The following C17orf78 variants were observed in gnomAD, a reference collection of about 807,000 sequenced individuals.
C17orf78 encodes uncharacterized protein C17orf78.
Under a neutral mutation model 31.8 loss-of-function variants are expected in C17orf78, and 27 were observed. That is an observed-to-expected ratio of 0.85 (90% CI 0.63 to 1.17). The LOEUF is 1.17. Among genes scored for constraint, C17orf78 ranks in the 50% most tolerant of loss-of-function variants. C17orf78 has a pLI of 0.00. For synonymous variants in C17orf78, 106 were observed against 115.1 expected, an observed-to-expected ratio of 0.92 and a Z score of 0.51; for missense variants, 258 against 315.2, an observed-to-expected ratio of 0.82 and a Z score of 1.37.
chr17:37,390,334 A>ATATATATATATATATATATATATCT (rs2050822111), intron 6 of C17orf78, among the ~76,000 whole-genome samples: 1 of 93,442 alleles, frequency 1.1e-5, no homozygotes, highest in African/African-American at 4.5e-5. Context: ...ATATATATAT[A>ATATATATATATATATATATATATCT]AAAGGCCAGC....
At chr17:37,388,030 T>C (rs1484777796) in intron 4 of C17orf78, 2 of 152,116 alleles carry the variant, frequency 1.3e-5, no homozygotes, top group African/African-American at 4.8e-5. Flanking sequence ...CCGGGCATGG[T>C]GGCGTTCGCC....
chr17:37,391,558 T>G, intron 6 of C17orf78, 89 bp from the exon 7 acceptor site: 5 of 1,167,990 alleles, frequency 4.3e-6, no homozygotes. Flanking sequence ...TTACATGGGG[T>G]TTTGTACTTA....
At chr17:37,377,839 C>T in intron 1 of C17orf78, 40 bp from the exon 2 acceptor site, 10 of 1,527,738 alleles carry the variant, frequency 6.5e-6, no homozygotes, top group Non-Finnish European at 8.2e-6. Flanking sequence ...TTTCCCCAAA[C>T]CTTCCCCGGT....
chr17:37,390,330 A>ATATATAATATATATATATATC lies in C17orf78; in HGVS notation c.750+972_750+973insTAATATATATATATATCTATA, dbSNP rs1386032855. On this transcript the variant is annotated intron_variant, in intron 6 of 6. Coordinates refer to ENST00000615133, the MANE Select transcript of C17orf78 (RefSeq NM_173625.5). Reference sequence around the variant, plus strand: ...TATATATATATATATATATATATATATATAAAAGGCCAGCTGGGCCGGGCA... The same window carrying ATATATAATATATATATATATC: ...TATATATATATATATATATATATATATATATAATATATATATATATCTATAAAAGGCCAGCTGGGCCGGGCA... Among the ~76,000 whole-genome samples, 190 of 41,582 alleles carry ATATATAATATATATATATATC rather than the reference A, an allele frequency of 4.6e-3. 32 individuals are homozygous for ATATATAATATATATATATATC. Among genetic ancestry groups the ATATATAATATATATATATATC allele is most frequent in the African/African-American group, 0.024 (185 of 7,842 alleles). 27.3% of individuals were successfully genotyped at this position (41,582 alleles called of 152,430 possible). A position where few individuals can be genotyped will look rare whatever the true frequency, so the allele number is the denominator to read the frequency against.
chr17:37,391,400 C>G (rs1292503418), intron 6 of C17orf78, among the ~76,000 whole-genome samples: 2 of 152,144 alleles, frequency 1.3e-5, no homozygotes, highest in Non-Finnish European at 2.9e-5. Flanking sequence ...CTGTTAGAAA[C>G]AGAACTATGA....
intron 3 of C17orf78, among the ~76,000 whole-genome samples, chr17:37,380,460 C>T (rs2050198005): frequency 1.3e-5 from 2 of 152,078 alleles, no homozygotes; most frequent in Non-Finnish European, 2.9e-5. Flanking sequence ...GAATTATCCT[C>T]CCCTTGGGCA....
rs1312079133 is a variant in C17orf78 at position 37,390,307 on chromosome 17, T to TATATA, written c.750+946_750+950dup. 4.7e-5 allele frequency among the ~76,000 whole-genome samples: 2 copies of TATATA among 42,972 alleles called. 1 individual carries two copies. The highest frequency in any genetic ancestry group is 6.8e-5 in the Non-Finnish European group (2 of 29,336). The allele number at this position is 42,972 out of a possible 152,430, so 28.2% of individuals were successfully genotyped here. ...TATAATTATATATTATACATAATTA[T>TATATA]ATATATATATATATATATATATATA... On this transcript the variant is annotated intron_variant, in intron 6 of 6. Coordinates refer to ENST00000615133, the MANE Select transcript of C17orf78 (RefSeq NM_173625.5).
chr17:37,380,640 C>G (rs1394300075), intron 3 of C17orf78, among the ~76,000 whole-genome samples: 1 of 151,992 alleles, frequency 6.6e-6, no homozygotes, highest in Admixed American at 6.6e-5. Context: ...TTCTGTCACC[C>G]AGGTTGGAGT....
At chr17:37,379,489 C>G (rs1307254886) in intron 3 of C17orf78, 107 bp downstream of exon 3, 1 of 1,356,356 alleles carries the variant, frequency 7.4e-7, no homozygotes, top group Non-Finnish European at 9.9e-7. Context: ...GAATTATCCA[C>G]TTTTTGATGG....
intron 5 of C17orf78, 38 bp from the exon 6 acceptor site, chr17:37,389,208 G>C (rs1359307460): frequency 6.5e-7 from 1 of 1,548,432 alleles, no homozygotes; most frequent in South Asian, 1.2e-5. Context: ...ATGCTTACCA[G>C]CCACTTCATA....
chr17:37,381,228 C>A (rs1190256862), intron 3 of C17orf78, among the ~76,000 whole-genome samples: 1 of 152,022 alleles, frequency 6.6e-6, no homozygotes, highest in Non-Finnish European at 1.5e-5. Context: ...CTCTGTCACC[C>A]AGGCTGGAGC....
intron 6 of C17orf78, among the ~76,000 whole-genome samples, chr17:37,390,516 A>G (rs751427625): frequency 4.1e-5 from 6 of 147,708 alleles, no homozygotes; most frequent in Non-Finnish European, 8.9e-5. Context: ...AGTCCCAGCT[A>G]CTCGGGAGGC....
intron 3 of C17orf78, among the ~76,000 whole-genome samples, chr17:37,382,799 G>T (rs1264603009): frequency 1.3e-5 from 2 of 152,306 alleles, no homozygotes; most frequent in East Asian, 3.9e-4. Context: ...TGCAGAGGTT[G>T]TAGGGAGCTG....
Position 37,390,140 on chromosome 17 carries a change from G to GTATATA in C17orf78, c.750+809_750+814dup, listed in dbSNP as rs1243535532. ...GACACTGTCTCTATTAAAAAAAAAA[G>GTATATA]TATATATATATATATATATATATAT... On this transcript the variant is annotated intron_variant, in intron 6 of 6. Coordinates refer to ENST00000615133, the MANE Select transcript of C17orf78 (RefSeq NM_173625.5). Among the ~76,000 whole-genome samples, 97 of 34,610 alleles carry GTATATA rather than the reference G, an allele frequency of 2.8e-3. 3 individuals carry two copies. The highest frequency in any genetic ancestry group is 6.4e-3 in the African/African-American group (44 of 6,856). The allele number at this position is 34,610 out of a possible 152,430, so 22.7% of individuals were successfully genotyped here. A position where few individuals can be genotyped will look rare whatever the true frequency, so the allele number is the denominator to read the frequency against.
intron 4 of C17orf78, chr17:37,388,076 G>A (rs996160053): frequency 1.3e-5 from 2 of 152,528 alleles, no homozygotes; most frequent in African/African-American, 4.8e-5. Context: ...AAGGTGGGAG[G>A]ATGGTTTGAG....
rs375673502 is a variant in C17orf78, at chr17:37,376,164, T to C, written c.58+14T>C. ...CCAACAAGAAAGGTATGTAATTCTCTAGCCTAATCTCCTGGAAAATACAGA... is the reference window on the plus strand; with the variant it reads ...CCAACAAGAAAGGTATGTAATTCTCCAGCCTAATCTCCTGGAAAATACAGA... On this transcript the variant is annotated intron_variant, in intron 1 of 6. Transcript: ENST00000615133. 3.8e-6 allele frequency: 6 copies of C among 1,599,606 alleles called. No individual in the cohort carries two copies. The highest frequency in any genetic ancestry group is 5.1e-6 in the Non-Finnish European group (6 of 1,167,120).
At position 37,388,680 on chromosome 17, in the gene C17orf78, G is replaced by A. The variant is rs2050657851; in HGVS notation, c.519G>A (p.Glu173=). 1 of 1,612,028 alleles carries A rather than the reference G, an allele frequency of 6.2e-7. No individual in the cohort carries two copies. The highest frequency in any genetic ancestry group is 1.1e-5 in the South Asian group (1 of 90,746). ...GEKTTSTDTD[E]NLEKRQKWSI... ...CCCTCTCTCCTTTAGACACAGATGA[G>A]AACCTAGAGAAGAGACAGAAATGGA... The change falls in exon 5 of 7, where the codon GAG becomes GAA. Residue 173 remains glutamate (E), a synonymous_variant. Transcript: ENST00000615133.
chr17:37,384,281 G>A (rs1296269481), intron 3 of C17orf78, among the ~76,000 whole-genome samples: 1 of 152,136 alleles, frequency 6.6e-6, no homozygotes, highest in East Asian at 1.9e-4. Flanking sequence ...AGAAGATGTG[G>A]GTCAACATGG....
rs1429328377 is a variant in C17orf78 at position 37,390,320 on chromosome 17, A to AT, written c.750+959dup. On this transcript the variant is annotated intron_variant, in intron 6 of 6. Coordinates refer to ENST00000615133, the MANE Select transcript of C17orf78 (RefSeq NM_173625.5). ...TATACATAATTATATATATATATAT[A>AT]TATATATATATATAAAAGGCCAGCT... 6.5e-4 allele frequency among the ~76,000 whole-genome samples: 31 copies of AT among 47,910 alleles called. 1 individual carries two copies. The highest frequency in any genetic ancestry group is 8.8e-4 in the African/African-American group (8 of 9,046). The allele number at this position is 47,910 out of a possible 152,430, so 31.4% of individuals were successfully genotyped here. A position where few individuals can be genotyped will look rare whatever the true frequency, so the allele number is the denominator to read the frequency against.
Sources: allele counts gnomAD v4.1 joint callset (sites outside exome capture counted in the v4.1 genomes callset), GRCh38; gene constraint gnomAD v4.1.1; transcripts MANE v1.5; gene names NCBI Gene and HGNC (gene_info 2026-07-23, HGNC 2026-07-21).